ADAM23: variants seen among roughly 807,000 people sequenced by gnomAD.
ADAM23 encodes ADAM metallopeptidase domain 23.
In ADAM23, 33 loss-of-function variants were observed where a neutral mutation model predicts 120.1. The observed-to-expected ratio is 0.27, with a 90% CI of 0.21 to 0.37. The LOEUF (loss-of-function observed/expected upper bound fraction) is 0.37. Among genes scored for constraint, ADAM23 ranks in the 10% least tolerant of loss-of-function variants. The probability of loss-of-function intolerance (pLI) is 1.00; values close to 1 mark genes in which losing one functional copy is unlikely to be tolerated. For missense variants in ADAM23, 862 were observed against 1,058.2 expected, an observed-to-expected ratio of 0.81 and a Z score of 2.57; for synonymous variants, 367 against 375.2, an observed-to-expected ratio of 0.98 and a Z score of 0.25.
intron 21 of ADAM23, among the ~76,000 whole-genome samples, chr2:206,591,834 T>A (rs1260661239): frequency 1.3e-5 from 2 of 152,226 alleles, no homozygotes. Flanking sequence ...CTTTTTGCTT[T>A]TATCTGTTCT....
intron 2 of ADAM23, among the ~76,000 whole-genome samples, chr2:206,454,687 G>A (rs1425286448): frequency 1.3e-5 from 2 of 152,248 alleles, no homozygotes; most frequent in African/African-American, 4.8e-5. Context: ...GGTAGAGGCA[G>A]TGGGTAAATG....
chr2:206,542,487 C>G (rs1697312020), intron 5 of ADAM23, among the ~76,000 whole-genome samples: 2 of 152,068 alleles, frequency 1.3e-5, no homozygotes, highest in Middle Eastern at 3.2e-3. Context: ...AGTCAGTAGG[C>G]CTTAGATCTA....
At chr2:206,523,715 G>T (rs1696891265) in intron 3 of ADAM23, among the ~76,000 whole-genome samples, 1 of 151,996 alleles carries the variant, frequency 6.6e-6, no homozygotes, top group South Asian at 2.1e-4. Context: ...AGAAATATAA[G>T]AGCAAGCATA....
chr2:206,615,477 A>G (rs1043676593), intron 25 of ADAM23, among the ~76,000 whole-genome samples: 19 of 152,246 alleles, frequency 1.2e-4, no homozygotes, highest in African/African-American at 4.6e-4. Context: ...TTCTCAACAT[A>G]CAGTGACTGT....
intron 5 of ADAM23, 134 bp downstream of exon 5, chr2:206,542,268 C>A: frequency 1.2e-6 from 1 of 811,162 alleles, no homozygotes; most frequent in Non-Finnish European, 2.1e-6. Flanking sequence ...ACAAGGAGGG[C>A]AATGTCCCTG....
At chr2:206,493,998 A>G (rs1316077856) in intron 3 of ADAM23, among the ~76,000 whole-genome samples, 1 of 152,212 alleles carries the variant, frequency 6.6e-6, no homozygotes, top group Non-Finnish European at 1.5e-5. Flanking sequence ...ACAGATAAAA[A>G]TTATGCATAT....
Position 206,443,733 on chromosome 2 carries a change from C to CTTTG in ADAM23, c.-134_-133insTTTG. The CTTTG allele has an allele frequency of 3.3e-6, 1 of 307,436 alleles. No homozygotes were observed. The highest frequency in any genetic ancestry group is 4.7e-6 in the Non-Finnish European group (1 of 211,366). 19.0% of individuals were successfully genotyped at this position (307,436 alleles called of 1,614,324 possible). A position where few individuals can be genotyped will look rare whatever the true frequency, so the allele number is the denominator to read the frequency against. On this transcript the variant is annotated 5_prime_UTR_variant, in exon 1 of 26. Coordinates refer to ENST00000264377, the MANE Select transcript of ADAM23 (RefSeq NM_003812.4). The stretch of plus-strand genomic sequence containing the variant: ...AGCCCCGAGCCCCGCGCCCCGTGCC[C>CTTTG]CGAGCCCGGAGCCCCCTGCCCGCCG...
At chr2:206,549,838 C>T (rs1461491185) in intron 8 of ADAM23, among the ~76,000 whole-genome samples, 1 of 151,948 alleles carries the variant, frequency 6.6e-6, no homozygotes, top group Non-Finnish European at 1.5e-5. Context: ...TATACAACAA[C>T]ATGGACTGTT....
At chr2:206,561,099 G>A (rs1393458023) in intron 11 of ADAM23, 29 bp from the exon 12 acceptor site, 1 of 1,610,018 alleles carries the variant, frequency 6.2e-7, no homozygotes, top group Non-Finnish European at 8.5e-7. Context: ...CACCACGTTG[G>A]TTTTCTGATA....
At chr2:206,523,239 C>G (rs1223995416) in intron 3 of ADAM23, among the ~76,000 whole-genome samples, 3 of 152,146 alleles carry the variant, frequency 2.0e-5, no homozygotes. Flanking sequence ...GCAGGAGTAC[C>G]TACACATTTA....
At chr2:206,445,273 A>G (rs377750237) in intron 1 of ADAM23, 34 bp from the exon 2 acceptor site, 3 of 1,508,192 alleles carry the variant, frequency 2.0e-6, no homozygotes, top group Non-Finnish European at 2.8e-6. Context: ...GTATGTTTGT[A>G]TTTTCTGCTC....
chr2:206,562,768 G>A (rs752144902), intron 13 of ADAM23, among the ~76,000 whole-genome samples: 27 of 152,194 alleles, frequency 1.8e-4, no homozygotes, highest in Non-Finnish European at 3.4e-4. Flanking sequence ...GCTTTGCAAG[G>A]GAAGACCCTG....
At chr2:206,566,028 A>AT (rs949366821) in intron 14 of ADAM23, among the ~76,000 whole-genome samples, 2 of 151,996 alleles carry the variant, frequency 1.3e-5, no homozygotes, top group Non-Finnish European at 2.9e-5. Flanking sequence ...ACGGTTCCCT[A>AT]TTACTCCATA....
At chr2:206,594,611 A>G in intron 22 of ADAM23, 126 bp from the exon 23 acceptor site, 1 of 1,042,110 alleles carries the variant, frequency 9.6e-7, no homozygotes, top group Non-Finnish European at 1.4e-6. Flanking sequence ...AAGAGGAGTA[A>G]GAAAATGCTA....
chr2:206,600,790 T>C (rs556065779), intron 24 of ADAM23, among the ~76,000 whole-genome samples: 1 of 152,232 alleles, frequency 6.6e-6, no homozygotes, highest in East Asian at 1.9e-4. Context: ...TCACGCCAAC[T>C]TCTCAAACCA....
Position 206,453,730 on chromosome 2 carries a change from T to A in ADAM23, c.432+8206T>A, listed in dbSNP as rs1221241961. On this transcript the variant is annotated intron_variant, in intron 2 of 25. Transcript: ENST00000264377. ...TCATGGCCAGTTTGAATAAAACTTT[T>A]GCTTTCTATAAGTGACATGAGAGGT... is the stretch of plus-strand genomic sequence containing the variant. 2.0e-5 allele frequency among the ~76,000 whole-genome samples: 3 copies of A among 152,264 alleles called. No individual in the cohort carries two copies. In the South Asian group the frequency reaches 6.2e-4, roughly 32 times the overall value.
intron 24 of ADAM23, among the ~76,000 whole-genome samples, chr2:206,602,318 T>C (rs1049791864): frequency 2.0e-5 from 3 of 152,188 alleles, no homozygotes; most frequent in Non-Finnish European, 4.4e-5. Flanking sequence ...ATCATTTATT[T>C]TGCATCCTTT....
chr2:206,517,022 A>C (rs1212545171), intron 3 of ADAM23, among the ~76,000 whole-genome samples: 11 of 152,012 alleles, frequency 7.2e-5, no homozygotes, highest in Non-Finnish European at 1.5e-4. Flanking sequence ...AATAAATAAA[A>C]ATAAAATAAT....
intron 20 of ADAM23, 36 bp from the exon 21 acceptor site, chr2:206,589,373 G>A: frequency 6.4e-7 from 1 of 1,570,580 alleles, no homozygotes; most frequent in Non-Finnish European, 8.7e-7. Flanking sequence ...CAAAGAAAAT[G>A]AAAATTAATT....
Sources: allele counts gnomAD v4.1 joint callset (sites outside exome capture counted in the v4.1 genomes callset), GRCh38; gene constraint gnomAD v4.1.1; transcripts MANE v1.5; gene names NCBI Gene and HGNC (gene_info 2026-07-23, HGNC 2026-07-21).